NUBPL: variants seen among roughly 807,000 people sequenced by gnomAD.
The protein encoded by NUBPL is iron-sulfur cluster transfer protein NUBPL.
NUBPL carries 31 observed loss-of-function variants against 45.7 expected under a neutral mutation model. The ratio of observed to expected loss-of-function variants is 0.68; its 90% CI spans 0.51 to 0.92. NUBPL has a LOEUF of 0.92. Among genes scored for constraint, NUBPL ranks in the 40% least tolerant of loss-of-function variants. The probability of loss-of-function intolerance (pLI) is 0.00; values close to 1 mark genes in which losing one functional copy is unlikely to be tolerated. For synonymous variants in NUBPL, 144 were observed against 140.9 expected, an observed-to-expected ratio of 1.02 and a Z score of -0.15; for missense variants, 401 against 398.7, an observed-to-expected ratio of 1.01 and a Z score of -0.05.
intron 6 of NUBPL, among the ~76,000 whole-genome samples, chr14:31,781,281 A>G (rs1227814548): frequency 6.6e-6 from 1 of 152,212 alleles, no homozygotes; most frequent in Non-Finnish European, 1.5e-5. Context: ...TTCCTAAGCA[A>G]TCTTTGTTTC....
intron 6 of NUBPL, among the ~76,000 whole-genome samples, chr14:31,681,512 A>C (rs1203203075): frequency 6.7e-6 from 1 of 148,624 alleles, no homozygotes; most frequent in Non-Finnish European, 1.5e-5. Context: ...TCACCCTTAG[A>C]CGTTTTTCTG....
rs182792069 is a variant in NUBPL at position 31,811,405 on chromosome 14, C to T, written c.608-15224C>T. On this transcript the variant is annotated intron_variant, in intron 7 of 10. Transcript: ENST00000281081. ...ACTGATACCCTTTCTTCCACTTGAT[C>T]GAATCGGCTACTGAAGCTTGTGCAT... Among the ~76,000 whole-genome samples, 6 of 152,268 alleles carry T rather than the reference C, an allele frequency of 3.9e-5. No individual in the cohort carries two copies. In the East Asian group the frequency reaches 5.8e-4, roughly 15 times the overall value.
intron 6 of NUBPL, among the ~76,000 whole-genome samples, chr14:31,689,241 T>C (rs55966138): frequency 0.32 from 48,021 of 152,050 alleles, 8,080 homozygotes; most frequent in South Asian, 0.41. Context: ...AGAATCACCA[T>C]ACTGCTTTCC....
At chr14:31,603,822 G>A (rs1477385458) in intron 4 of NUBPL, among the ~76,000 whole-genome samples, 1 of 152,056 alleles carries the variant, frequency 6.6e-6, no homozygotes, top group African/African-American at 2.4e-5. Flanking sequence ...TGACTTTTTA[G>A]TGGAATACAT....
At chr14:31,632,584 GAA>G (rs951150232) in intron 4 of NUBPL, among the ~76,000 whole-genome samples, 1 of 151,990 alleles carries the variant, frequency 6.6e-6, no homozygotes, top group African/African-American at 2.4e-5. Flanking sequence ...TGAAATGAGA[GAA>G]AAAATAGTTT....
chr14:31,698,690 A>AT (rs1454048427), intron 6 of NUBPL, among the ~76,000 whole-genome samples: 10 of 151,968 alleles, frequency 6.6e-5, no homozygotes, highest in African/African-American at 9.7e-5. Context: ...TTACTTACTG[A>AT]TTTTTTTTAA....
At chr14:31,849,549 C>A (rs145020028) in intron 9 of NUBPL, among the ~76,000 whole-genome samples, 46 of 152,170 alleles carry the variant, frequency 3.0e-4, no homozygotes, top group Admixed American at 7.2e-4. Context: ...TCACCAAGCT[C>A]ACAAGTTATA....
chr14:31,769,417 C>G (rs2138756600), intron 6 of NUBPL, among the ~76,000 whole-genome samples: 1 of 152,274 alleles, frequency 6.6e-6, no homozygotes, highest in South Asian at 2.1e-4. Context: ...TTCAGGAATG[C>G]ATTAACTTTG....
chr14:31,802,612 A>G (rs2039614259), intron 7 of NUBPL, among the ~76,000 whole-genome samples: 1 of 152,154 alleles, frequency 6.6e-6, no homozygotes, highest in Non-Finnish European at 1.5e-5. Flanking sequence ...ACGTAGTGGG[A>G]AGGCTCTCCC....
At chr14:31,776,136 C>A (rs1416905973) in intron 6 of NUBPL, among the ~76,000 whole-genome samples, 2 of 152,142 alleles carry the variant, frequency 1.3e-5, no homozygotes, top group Non-Finnish European at 2.9e-5. Context: ...GATGACCACT[C>A]AAATTGTATA....
Position 31,665,116 on chromosome 14 carries a change from T to C in NUBPL, c.383-8239T>C, listed in dbSNP as rs576991944. Among the ~76,000 whole-genome samples, 12 of 152,308 alleles carry C rather than the reference T, an allele frequency of 7.9e-5. No individual in the cohort carries two copies. The East Asian group carries it at 1.9e-3, about 25-fold the overall frequency. On this transcript the variant is annotated intron_variant, in intron 4 of 10. Coordinates refer to ENST00000281081, the MANE Select transcript of NUBPL (RefSeq NM_025152.3). ...GTGTCTATTTGATTCCTCTCTCTTTTCTTCTTTATTAGTCTGCCTAGTGGT... is the reference window on the plus strand; with the variant it reads ...GTGTCTATTTGATTCCTCTCTCTTTCCTTCTTTATTAGTCTGCCTAGTGGT...
chr14:31,720,797 G>T (rs1595541751), intron 6 of NUBPL, among the ~76,000 whole-genome samples: 1 of 152,144 alleles, frequency 6.6e-6, no homozygotes, highest in South Asian at 2.1e-4. Flanking sequence ...AGTGGCTATT[G>T]TGTTGGACAG....
chr14:31,691,299 A>G (rs954169277), intron 6 of NUBPL, among the ~76,000 whole-genome samples: 5 of 152,114 alleles, frequency 3.3e-5, no homozygotes, highest in Non-Finnish European at 7.4e-5. Context: ...CCTTAATAAC[A>G]TTTTCTTTTC....
chr14:31,614,281 G>A (rs1349243488), intron 4 of NUBPL, among the ~76,000 whole-genome samples: 1 of 152,172 alleles, frequency 6.6e-6, no homozygotes, highest in African/African-American at 2.4e-5. Context: ...CTTACTGTCA[G>A]ATTACAACTA....
At chr14:31,666,133 G>T (rs1235193261) in intron 4 of NUBPL, among the ~76,000 whole-genome samples, 1 of 147,732 alleles carries the variant, frequency 6.8e-6, no homozygotes, top group Admixed American at 6.8e-5. Flanking sequence ...CATGAGATGG[G>T]TCTCCTGAAT....
chr14:31,859,242 A>ACATTGCTG lies in NUBPL; in HGVS notation c.*62_*63insCATTGCTG. 1 of 1,236,202 alleles carries ACATTGCTG rather than the reference A, an allele frequency of 8.1e-7. No individual in the cohort carries two copies. Among genetic ancestry groups the ACATTGCTG allele is most frequent in the Non-Finnish European group, 1.2e-6 (1 of 836,356 alleles). 76.6% of individuals were successfully genotyped at this position (1,236,202 alleles called of 1,614,324 possible). On this transcript the variant is annotated 3_prime_UTR_variant, in exon 11 of 11. Coordinates refer to ENST00000281081, the MANE Select transcript of NUBPL (RefSeq NM_025152.3). ...ATTAAGAGGACCTTTGGAAATCAGC[A>ACATTGCTG]ATGTGGTGATGGAACCTACAGAAAT... is the stretch of plus-strand genomic sequence containing the variant.
chr14:31,784,262 C>G (rs907406929), intron 6 of NUBPL, among the ~76,000 whole-genome samples: 2 of 151,970 alleles, frequency 1.3e-5, no homozygotes, highest in African/African-American at 4.8e-5. Context: ...TTTCTTTTTC[C>G]CTATGGCTTG....
chr14:31,787,051 C>G (rs536358490), intron 6 of NUBPL, among the ~76,000 whole-genome samples: 5 of 152,198 alleles, frequency 3.3e-5, no homozygotes, highest in African/African-American at 9.6e-5. Context: ...GGCAGAATAA[C>G]TGATTGGGGA....
chr14:31,690,241 C>G (rs1028820912), intron 6 of NUBPL, among the ~76,000 whole-genome samples: 1 of 152,190 alleles, frequency 6.6e-6, no homozygotes, highest in African/African-American at 2.4e-5. Context: ...AAGCTGCTAA[C>G]CTCTGAGCCT....
Sources: gnomAD v4.1 joint callset for allele counts (sites outside exome capture counted in the v4.1 genomes callset) on GRCh38, gnomAD v4.1.1 for gene constraint, MANE v1.5 for transcripts, NCBI Gene and HGNC (gene_info 2026-07-23, HGNC 2026-07-21) for gene names.